ZMYND8: variants seen among roughly 807,000 people sequenced by gnomAD.
ZMYND8 encodes MYND-type zinc finger-containing chromatin reader ZMYND8.
Under a neutral mutation model 140.8 loss-of-function variants are expected in ZMYND8, and 37 were observed. That is an observed-to-expected ratio of 0.26 (90% CI 0.20 to 0.35). The LOEUF (loss-of-function observed/expected upper bound fraction) is 0.35. Ranked by LOEUF, ZMYND8 falls within the 10% of genes least tolerant of loss-of-function variation. The pLI is 1.00. For synonymous variants in ZMYND8, 592 were observed against 597.1 expected (o/e 0.99, Z 0.12); for missense variants, 1,068 against 1,570.0 (o/e 0.68, Z 5.40).
rs555597856 is a variant in ZMYND8, at chr20:47,241,256, T to C, written c.2285-2118A>G. ...GTTGCAGTGAGCCGAAATCGCCCCATTGCACTCCAGCCTGGGTGACAGGGC... is the reference window on the plus strand; with the variant it reads ...GTTGCAGTGAGCCGAAATCGCCCCACTGCACTCCAGCCTGGGTGACAGGGC... On this transcript the variant is annotated intron_variant, in intron 14 of 22. Coordinates refer to ENST00000471951, the MANE Select transcript of ZMYND8 (RefSeq NM_001281775.3). 2.4e-4 allele frequency among the ~76,000 whole-genome samples: 35 copies of C among 145,898 alleles called. No homozygotes were observed. The East Asian group carries it at 5.4e-3, about 23-fold the overall frequency.
At chr20:47,349,271 A>G (rs1375286466) in intron 1 of ZMYND8, 1 of 152,434 alleles carries the variant, frequency 6.6e-6, no homozygotes, top group Admixed American at 6.5e-5. Flanking sequence ...GGTTTAAATG[A>G]GAATATTAAC....
intron 18 of ZMYND8, among the ~76,000 whole-genome samples, chr20:47,225,843 G>A (rs1040472098): frequency 1.3e-5 from 2 of 151,846 alleles, no homozygotes; most frequent in African/African-American, 4.8e-5. Context: ...AAGATTCCCT[G>A]ATTTTATTAG....
chr20:47,310,044 C>T lies in ZMYND8; in HGVS notation c.234+12G>A, dbSNP rs375661761. ...CCACCAGTGAGGACACCGTTCCCAG[C>T]GGCTGCTTTACCTGCTCCTTATTGT... On this transcript the variant is annotated intron_variant, in intron 3 of 22. Transcript: ENST00000471951. 6 of 1,613,972 alleles carry T rather than the reference C, an allele frequency of 3.7e-6. No homozygotes were observed. The highest frequency in any genetic ancestry group is 1.3e-5 in the African/African-American group (1 of 74,908).
chr20:47,308,597 CTT>C (rs1157157309), intron 3 of ZMYND8, among the ~76,000 whole-genome samples: 1 of 152,092 alleles, frequency 6.6e-6, no homozygotes, highest in Non-Finnish European at 1.5e-5. Context: ...GAGAAACTGA[CTT>C]TATGTTTCAT....
intron 5 of ZMYND8, among the ~76,000 whole-genome samples, chr20:47,293,270 A>T (rs2077422081): frequency 6.6e-6 from 1 of 151,852 alleles, no homozygotes; most frequent in Non-Finnish European, 1.5e-5. Flanking sequence ...GAAAATATTC[A>T]TCTATAGAAA....
At chr20:47,230,352 C>T (rs1175320645) in intron 16 of ZMYND8, among the ~76,000 whole-genome samples, 2 of 151,266 alleles carry the variant, frequency 1.3e-5, no homozygotes, top group East Asian at 3.9e-4. Context: ...AGTGCAGGGG[C>T]GTGATCTTGG....
intron 12 of ZMYND8, among the ~76,000 whole-genome samples, chr20:47,259,502 C>A (rs769919121): frequency 1.3e-4 from 20 of 152,278 alleles, no homozygotes; most frequent in Non-Finnish European, 2.5e-4. Context: ...CACTGTAGGA[C>A]AAGATGGACC....
At chr20:47,335,918 T>C (rs563153214) in intron 2 of ZMYND8, among the ~76,000 whole-genome samples, 25 of 152,326 alleles carry the variant, frequency 1.6e-4, no homozygotes, top group African/African-American at 5.5e-4. Flanking sequence ...CTGGTAGTCA[T>C]CTAACTCACA....
chr20:47,328,966 G>T (rs2080704322), intron 2 of ZMYND8, among the ~76,000 whole-genome samples: 1 of 152,198 alleles, frequency 6.6e-6, no homozygotes, highest in African/African-American at 2.4e-5. Flanking sequence ...ATATCCTGTG[G>T]AACTTTACCC....
chr20:47,287,119 A>G, intron 8 of ZMYND8, 110 bp downstream of exon 8: 1 of 975,774 alleles, frequency 1.0e-6, no homozygotes, highest in Non-Finnish European at 1.6e-6. Flanking sequence ...GCCTCAACAA[A>G]TTCCAAAATC....
rs1231286845 is a variant in ZMYND8, at chr20:47,275,262, C to T, written c.1480+1052G>A. Among the ~76,000 whole-genome samples the T allele has an allele frequency of 3.3e-5, 5 of 152,248 alleles. No individual in the cohort carries two copies. In the East Asian group the frequency reaches 5.8e-4, roughly 18 times the overall value. On this transcript the variant is annotated intron_variant, in intron 11 of 22. Transcript: ENST00000471951. ...ATCCCAGCACTTTGGGAGCCCAAGG[C>T]GGGTGGATCACTTGAAGTCAGGAGT...
intron 10 of ZMYND8, among the ~76,000 whole-genome samples, chr20:47,278,171 T>C (rs957966597): frequency 2.0e-5 from 3 of 152,094 alleles, no homozygotes; most frequent in African/African-American, 7.2e-5. Context: ...TTTGTAGAGA[T>C]GGGGTCTCGC....
At chr20:47,318,876 C>G in intron 2 of ZMYND8, 1 of 1,152,930 alleles carries the variant, frequency 8.7e-7, no homozygotes, top group Non-Finnish European at 1.2e-6. Context: ...GGGAAAATGG[C>G]ATTTCACCAG....
At chr20:47,283,232 G>A (rs2076718558) in intron 9 of ZMYND8, among the ~76,000 whole-genome samples, 2 of 152,146 alleles carry the variant, frequency 1.3e-5, no homozygotes, top group Admixed American at 1.3e-4. Flanking sequence ...GAACCAACAT[G>A]ATTTGTAAAT....
At chr20:47,289,501 G>T (rs1361998639) in intron 7 of ZMYND8, among the ~76,000 whole-genome samples, 3 of 152,110 alleles carry the variant, frequency 2.0e-5, no homozygotes, top group African/African-American at 7.2e-5. Flanking sequence ...GCAAAGACTT[G>T]CACAAGCAGG....
Position 47,262,385 on chromosome 20 carries a change from G to A in ZMYND8, c.1524C>T (p.Ser508=), listed in dbSNP as rs773877846. The A allele has an allele frequency of 3.4e-5, 55 of 1,614,008 alleles. No individual in the cohort carries two copies. The highest frequency in any genetic ancestry group is 3.8e-5 in the Non-Finnish European group (45 of 1,180,006). ...GAGGAGAGAAGGGCTTTGGGCTGCC[G>A]GATAAACTCCCTGCTTGTCCCGTCT... The part of the protein sequence containing the change: ...STKTGQAGSL[S]GSPKPFSPQL... The change falls in exon 12 of 23, where the codon TCC becomes TCT. Residue 508 remains serine, a synonymous_variant. Transcript: ENST00000471951.
At chr20:47,285,661 A>G (rs1389708525) in intron 8 of ZMYND8, 2 of 984,420 alleles carry the variant, frequency 2.0e-6, no homozygotes, top group South Asian at 4.7e-5. Flanking sequence ...AAATTAAACT[A>G]AGGAAATCAT....
chr20:47,211,007 A>G (rs937793619), intron 22 of ZMYND8, 110 bp from the exon 23 acceptor site: 1 of 1,462,076 alleles, frequency 6.8e-7, no homozygotes, highest in Non-Finnish European at 9.3e-7. Flanking sequence ...TCCCCTCCCA[A>G]TTGATGGTTC....
chr20:47,327,046 A>G (rs567796129), intron 2 of ZMYND8, among the ~76,000 whole-genome samples: 3 of 152,236 alleles, frequency 2.0e-5, no homozygotes, highest in African/African-American at 7.2e-5. Flanking sequence ...AAACCAGGTC[A>G]GCCTTATTAG....
Sources: gnomAD v4.1 joint callset for allele counts (sites outside exome capture counted in the v4.1 genomes callset) on GRCh38, gnomAD v4.1.1 for gene constraint, MANE v1.5 for transcripts, NCBI Gene and HGNC (gene_info 2026-07-23, HGNC 2026-07-21) for gene names.